SNAPC4: variants seen among roughly 807,000 people sequenced by gnomAD.
SNAPC4 encodes snRNA-activating protein complex subunit 4.
SNAPC4 carries 127 observed loss-of-function variants against 151.3 expected under a neutral mutation model. The observed-to-expected ratio is 0.84, with a 90% CI of 0.73 to 0.97. The LOEUF (loss-of-function observed/expected upper bound fraction) is 0.97, where lower values mean the gene tolerates loss of function less well. Ranked by LOEUF, SNAPC4 falls within the 50% of genes least tolerant of loss-of-function variation. SNAPC4 has a pLI of 0.00. For synonymous variants in SNAPC4, 1,002 were observed against 824.4 expected (o/e 1.22, Z -3.69); for missense variants, 2,186 against 1,935.0 (o/e 1.13, Z -2.43).
chr9:136,376,925 G>A (rs1339432428), intron 22 of SNAPC4, among the ~76,000 whole-genome samples: 1 of 152,232 alleles, frequency 6.6e-6, no homozygotes, highest in African/African-American at 2.4e-5. Flanking sequence ...AGGTCCAGCT[G>A]AGGCTGCCTG....
At chr9:136,394,173 C>T (rs1185006370) in intron 7 of SNAPC4, 76 bp downstream of exon 7, 29 of 1,240,162 alleles carry the variant, frequency 2.3e-5, no homozygotes, top group Non-Finnish European at 3.3e-5. Context: ...CCTTGGCCTC[C>T]CAAAGTGCTG....
chr9:136,381,396 C>T lies in SNAPC4; in HGVS notation c.2318-4G>A, dbSNP rs374256783. ...AGCTGCTCCCTGAGGCCATCCGCTGCGGGCACAGGGGGATAAGTGGAAAGC... is the reference window on the plus strand; with the variant it reads ...AGCTGCTCCCTGAGGCCATCCGCTGTGGGCACAGGGGGATAAGTGGAAAGC... On this transcript the variant is annotated splice_polypyrimidine_tract_variant and splice_region_variant and intron_variant, in intron 18 of 23. Coordinates refer to ENST00000684778, the MANE Select transcript of SNAPC4 (RefSeq NM_003086.4). 5.9e-5 allele frequency: 95 copies of T among 1,611,572 alleles called. No homozygotes were observed. In the East Asian group the frequency reaches 1.2e-3, roughly 20 times the overall value.
At position 136,381,370 on chromosome 9, in the gene SNAPC4, C is replaced by T; in HGVS notation, c.2340G>A (p.Leu780=). The change falls in exon 19 of 24, where the codon CTG becomes CTA. Residue 780 remains leucine, a synonymous_variant. Transcript: ENST00000684778. ...GGGTGCTGGCCAGGCGGGCCTGCTG[C>T]AGCTGCTCCCTGAGGCCATCCGCTG... The part of the protein sequence containing the change: ...QTQADGLREQ[L]QQARLASTPV... The T allele has an allele frequency of 6.2e-7, 1 of 1,612,742 alleles. No homozygotes were observed. Among genetic ancestry groups the T allele is most frequent in the Non-Finnish European group, 8.5e-7 (1 of 1,179,838 alleles).
intron 3 of SNAPC4, 82 bp from the exon 4 acceptor site, chr9:136,395,852 G>A: frequency 1.4e-6 from 2 of 1,399,150 alleles, no homozygotes; most frequent in Non-Finnish European, 2.0e-6. Context: ...CCCATCGCTG[G>A]GCCTCTGGGA....
intron 21 of SNAPC4, 105 bp downstream of exon 21, chr9:136,379,732 T>A (rs939180288): frequency 9.5e-7 from 1 of 1,052,182 alleles, no homozygotes; most frequent in Non-Finnish European, 1.5e-6. Context: ...GGCCACAGGC[T>A]GTGCTGCTTG....
Position 136,380,747 on chromosome 9 carries a change from A to C in SNAPC4, c.2492T>G (p.Leu831Arg). The change falls in exon 20 of 24, where the codon CTT (leucine) becomes CGT (arginine). Residue 831 changes from leucine (L) to arginine (R), a missense_variant. Physicochemically the swap from Leu to Arg is moderately radical, Grantham distance 102. Transcript: ENST00000684778. ...ACCCCAAGTGCCTGCTACCTGCAGA[A>C]GATGAACTGGTGGGTCCCGAGCACC... is the stretch of plus-strand genomic sequence containing the variant. ...QAGARDPPVH[L>R]LQASSSAQST... is the part of the protein sequence containing the mutation. 1 of 1,582,014 alleles carries C rather than the reference A, an allele frequency of 6.3e-7. No homozygotes were observed. Among genetic ancestry groups the C allele is most frequent in the Admixed American group, 1.7e-5 (1 of 59,792 alleles).
chr9:136,378,901 C>T lies in SNAPC4; in HGVS notation c.2926G>A (p.Ala976Thr), dbSNP rs1484159201. Residue 976 changes from alanine (A) to threonine (T), a missense_variant, in exon 22 of 24, where the codon GCC becomes ACC. By Grantham distance (58) the Ala-to-Thr change is moderately conservative (BLOSUM62 0). Transcript: ENST00000684778. ...ATGGTGGAGAGTCTCTTGTCCTTGG[C>T]TGAAGTCCCAGCCTCCTGCCAGGAG... The part of the protein sequence containing the change: ...SGSWQEAGTS[A>T]KDKRLSTMQA... 7 of 1,611,302 alleles carry T rather than the reference C, an allele frequency of 4.3e-6. No individual in the cohort carries two copies. The highest frequency in any genetic ancestry group is 1.1e-5 in the South Asian group (1 of 90,602).
rs749648550 is a variant in SNAPC4, at chr9:136,392,760, T to C, written c.650A>G (p.Gln217Arg). ...PKLLKLEYLH[Q>R]KQSKVSSELE... ...CTCACTGGAGACTTTGCTCTGCTTC[T>C]GGTGCAAGTACTCGAGCCTGCAAAG... The change falls in exon 8 of 24, where the codon CAG becomes CGG. Residue 217 changes from glutamine to arginine, a missense_variant. Transcript: ENST00000684778. 5.0e-6 allele frequency: 8 copies of C among 1,613,470 alleles called. No individual in the cohort carries two copies. The Middle Eastern group carries it at 5.0e-4, about 100-fold the overall frequency.
chr9:136,392,111 A>C lies in SNAPC4; in HGVS notation c.811-5T>G. The C allele has an allele frequency of 6.2e-7, 1 of 1,611,244 alleles. No individual in the cohort carries two copies. The highest frequency in any genetic ancestry group is 2.2e-5 in the East Asian group (1 of 44,864). On this transcript the variant is annotated splice_polypyrimidine_tract_variant and splice_region_variant and intron_variant, in intron 9 of 23. Transcript: ENST00000684778. ...TGCACTGCGGCTGCCTTCAAACTGC[A>C]CCGACAGAGACACTCAGCCTTGCAG...
At chr9:136,396,509 T>A (rs1007073488) in intron 3 of SNAPC4, among the ~76,000 whole-genome samples, 3 of 152,198 alleles carry the variant, frequency 2.0e-5, no homozygotes, top group African/African-American at 7.2e-5. Flanking sequence ...CTCGGCCTCC[T>A]GGGCTCAAGT....
chr9:136,376,256 C>G, intron 23 of SNAPC4, 93 bp downstream of exon 23: 1 of 1,485,692 alleles, frequency 6.7e-7, no homozygotes, highest in Non-Finnish European at 9.2e-7. Flanking sequence ...CTGTGAGCGC[C>G]AAAGAGCCGA....
intron 16 of SNAPC4, among the ~76,000 whole-genome samples, chr9:136,382,787 G>A (rs976437832): frequency 2.2e-4 from 33 of 152,304 alleles, no homozygotes; most frequent in Middle Eastern, 3.4e-3. Context: ...CAGCCAAGAC[G>A]AGCAGACACA....
At chr9:136,389,348 C>T (rs527329008) in intron 10 of SNAPC4, among the ~76,000 whole-genome samples, 6 of 152,222 alleles carry the variant, frequency 3.9e-5, no homozygotes, top group South Asian at 2.1e-4. Flanking sequence ...GCAGAGGGCG[C>T]GTGGGGCTGG....
At position 136,387,722 on chromosome 9, in the gene SNAPC4, CT is replaced by C. The variant is rs769937594; in HGVS notation, c.1230+19del. 6.6e-7 allele frequency: 1 copy of C among 1,521,974 alleles called. No homozygotes were observed. 94.3% of individuals were successfully genotyped at this position (1,521,974 alleles called of 1,614,324 possible). On this transcript the variant is annotated intron_variant, in intron 12 of 23. Transcript: ENST00000684778. ...GTTACCTTCCCAGAGCCCAGTTCTC[CT>C]AGGGTCCCGCACACTTACAGCATCT...
chr9:136,389,551 T>G (rs1833999224), intron 10 of SNAPC4, among the ~76,000 whole-genome samples: 1 of 152,048 alleles, frequency 6.6e-6, no homozygotes, highest in Non-Finnish European at 1.5e-5. Context: ...CCCCGGGGTG[T>G]GCAAGCTGCA....
chr9:136,395,939 G>A (rs1309702728), intron 3 of SNAPC4, among the ~76,000 whole-genome samples, 169 bp from the exon 4 acceptor site: 2 of 152,250 alleles, frequency 1.3e-5, no homozygotes, highest in Admixed American at 6.5e-5. Flanking sequence ...GAGGGCGTCT[G>A]AGTTTGGGAG....
chr9:136,389,507 A>G (rs938096927), intron 10 of SNAPC4, among the ~76,000 whole-genome samples: 5 of 152,054 alleles, frequency 3.3e-5, no homozygotes, highest in Non-Finnish European at 5.9e-5. Flanking sequence ...TCACAGGTCT[A>G]TCTGAGACTC....
chr9:136,378,855 G>A lies in SNAPC4; in HGVS notation c.2972C>T (p.Pro991Leu), dbSNP rs1564378100. The change falls in exon 22 of 24, where the codon CCT becomes CTT. Residue 991 changes from proline to leucine, a missense_variant. Coordinates refer to ENST00000684778, the MANE Select transcript of SNAPC4 (RefSeq NM_003086.4). The stretch of plus-strand genomic sequence containing the variant: ...TGTGCCCTCGGCCTCTGAGAAGACA[G>A]GAGCGAGGGGCAGGGCTTGCATGGT... ...LSTMQALPLA[P>L]VFSEAEGTAP... The A allele has an allele frequency of 6.2e-7, 1 of 1,608,940 alleles. No homozygotes were observed. The highest frequency in any genetic ancestry group is 1.7e-4 in the Middle Eastern group (1 of 6,028).
chr9:136,377,915 C>T lies in SNAPC4; in HGVS notation c.3912G>A (p.Gln1304=). 5 of 1,610,510 alleles carry T rather than the reference C, an allele frequency of 3.1e-6. No individual in the cohort carries two copies. Among genetic ancestry groups the T allele is most frequent in the South Asian group, 1.1e-5 (1 of 91,042 alleles). ...CTCGCAGGCTGCACAGGGCTGGGGG[C>T]TGATAGGGCAGTCTGCTGCCCAGAA... is the stretch of plus-strand genomic sequence containing the variant. ...VPLLGSRLPY[Q]PPALCSLRAL... The change falls in exon 22 of 24, where the codon CAG becomes CAA. Residue 1304 remains glutamine, a synonymous_variant. Coordinates refer to ENST00000684778, the MANE Select transcript of SNAPC4 (RefSeq NM_003086.4).
Sources: allele counts gnomAD v4.1 joint callset (sites outside exome capture counted in the v4.1 genomes callset), GRCh38; gene constraint gnomAD v4.1.1; transcripts MANE v1.5; gene names NCBI Gene and HGNC (gene_info 2026-07-23, HGNC 2026-07-21).